POR: variants seen among roughly 807,000 people sequenced by gnomAD.
POR encodes the protein cytochrome p450 oxidoreductase.
In POR, 56 loss-of-function variants were observed where a neutral mutation model predicts 84.0. The observed-to-expected ratio is 0.67, with a 90% CI of 0.54 to 0.83. POR has a LOEUF of 0.83. Among genes scored for constraint, POR ranks in the 40% least tolerant of loss-of-function variants. The probability of loss-of-function intolerance (pLI) is 0.00; values close to 1 mark genes in which losing one functional copy is unlikely to be tolerated. For missense variants in POR, 938 were observed against 944.3 expected (o/e 0.99, Z 0.09); for synonymous variants, 414 against 400.5 (o/e 1.03, Z -0.40).
chr7:75,983,218 G>A, intron 8 of POR: 1 of 297,980 alleles, frequency 3.4e-6, no homozygotes, highest in South Asian at 6.1e-5. Flanking sequence ...GCGAATGCCT[G>A]TAATTCCAGC....
chr7:75,983,044 A>G (rs1429092709), intron 8 of POR, among the ~76,000 whole-genome samples: 1 of 152,160 alleles, frequency 6.6e-6, no homozygotes, highest in African/African-American at 2.4e-5. Context: ...GGGACTATAG[A>G]GAGAACTGCA....
At chr7:75,935,621 G>T (rs1469588500) in intron 1 of POR, among the ~76,000 whole-genome samples, 1 of 13,058 alleles carries the variant, frequency 7.7e-5, no homozygotes, top group Non-Finnish European at 1.3e-4. Flanking sequence ...CTCGGGGCTT[G>T]TGTGTGTGTG....
At position 75,928,577 on chromosome 7, in the gene POR, G is replaced by A. The variant is rs1468973764; in HGVS notation, c.-5+13398G>A. 3.9e-5 allele frequency among the ~76,000 whole-genome samples: 6 copies of A among 152,232 alleles called. No homozygotes were observed. The East Asian group carries it at 1.2e-3, about 29-fold the overall frequency. On this transcript the variant is annotated intron_variant, in intron 1 of 15. Coordinates refer to ENST00000461988, the MANE Select transcript of POR (RefSeq NM_000941.3). ...CCGGAAGTTGAACATTGAGATGGTG[G>A]AATGACAAGAGAAAAAGCTGCTTGA...
intron 12 of POR, 128 bp downstream of exon 12, chr7:75,985,335 C>T: frequency 1.6e-6 from 2 of 1,257,412 alleles, no homozygotes; most frequent in Non-Finnish European, 2.1e-6. Flanking sequence ...CCCAGCGCAG[C>T]TCCAAATGCC....
chr7:75,955,618 G>T (rs1390006486), intron 2 of POR, among the ~76,000 whole-genome samples: 1 of 152,188 alleles, frequency 6.6e-6, no homozygotes, highest in Non-Finnish European at 1.5e-5. Context: ...TTGGCAAGGG[G>T]CAGGTCTCAG....
intron 7 of POR, 168 bp from the exon 8 acceptor site, chr7:75,982,056 T>C: frequency 1.6e-6 from 1 of 629,848 alleles, no homozygotes; most frequent in South Asian, 1.8e-5. Context: ...CCTTGCTCCC[T>C]CGCCTGCCCT....
intron 1 of POR, among the ~76,000 whole-genome samples, chr7:75,952,573 T>C (rs1438721217): frequency 1.4e-5 from 2 of 142,284 alleles, no homozygotes; most frequent in African/African-American, 2.7e-5. Flanking sequence ...GACGGGGCGG[T>C]TGCCAGGCAG....
intron 2 of POR, among the ~76,000 whole-genome samples, chr7:75,958,007 G>A (rs903483759): frequency 3.9e-5 from 6 of 152,212 alleles, no homozygotes; most frequent in Non-Finnish European, 8.8e-5. Context: ...TAAGCTGGAG[G>A]TAGTAGTAGT....
At chr7:75,921,514 G>A (rs1255445234) in intron 1 of POR, among the ~76,000 whole-genome samples, 3 of 151,656 alleles carry the variant, frequency 2.0e-5, no homozygotes, top group African/African-American at 4.8e-5. Context: ...TGCCTGCCTC[G>A]GCCTCCCAAA....
chr7:75,930,063 A>G (rs1420964449), intron 1 of POR, among the ~76,000 whole-genome samples: 1 of 152,182 alleles, frequency 6.6e-6, no homozygotes, highest in East Asian at 1.9e-4. Flanking sequence ...TAGGGCTTTG[A>G]ATCTGAGTCT....
At chr7:75,931,555 G>T (rs1178948247) in intron 1 of POR, among the ~76,000 whole-genome samples, 5 of 151,922 alleles carry the variant, frequency 3.3e-5, no homozygotes, top group Admixed American at 6.6e-5. Flanking sequence ...TTTTAGTAGA[G>T]ACGGGGTTTC....
intron 1 of POR, among the ~76,000 whole-genome samples, chr7:75,918,136 G>T (rs1008732621): frequency 6.6e-6 from 1 of 152,026 alleles, no homozygotes. Flanking sequence ...GTGAAACCCC[G>T]TCTCTACTAA....
chr7:75,954,252 G>T, intron 2 of POR, 72 bp downstream of exon 2: 2 of 1,447,764 alleles, frequency 1.4e-6, no homozygotes, highest in Non-Finnish European at 1.9e-6. Flanking sequence ...CCTGCATGCG[G>T]GCCTCAGGCT....
intron 1 of POR, among the ~76,000 whole-genome samples, chr7:75,933,778 A>G (rs1365730095): frequency 3.3e-5 from 5 of 152,180 alleles, no homozygotes; most frequent in African/African-American, 9.7e-5. Flanking sequence ...AGCAGTGCTA[A>G]CAATTCTTGA....
chr7:75,929,260 A>G (rs988667180), intron 1 of POR, among the ~76,000 whole-genome samples: 7 of 152,212 alleles, frequency 4.6e-5, no homozygotes, highest in Non-Finnish European at 1.0e-4. Context: ...GTTGGTGCTC[A>G]GTACACTTTT....
In POR at chr7:75,981,161, C is replaced by T. The variant is rs1554557769; in HGVS notation, c.630C>T (p.Asp210=). Residue 210 remains aspartate, a synonymous_variant, in exon 6 of 16, where the codon GAC becomes GAT. Coordinates refer to ENST00000461988, the MANE Select transcript of POR (RefSeq NM_000941.3). ...GCATCTTTGAGCTGGGGTTGGGCGA[C>T]GACGATGGGAAGTGAGTGCCCACCC... 13 of 1,544,138 alleles carry T rather than the reference C, an allele frequency of 8.4e-6. No individual in the cohort carries two copies. The highest frequency in any genetic ancestry group is 2.4e-5 in the South Asian group (2 of 83,280).
chr7:75,954,202 CCT>C (rs1787581818), intron 2 of POR, 22 bp downstream of exon 2: 7 of 1,586,012 alleles, frequency 4.4e-6, no homozygotes, highest in Non-Finnish European at 6.0e-6. Context: ...CTCTCAGCCT[CCT>C]CTCTCTGTCC....
Position 75,986,457 on chromosome 7 carries a change from C to T in POR, c.2019C>T (p.Arg673=), listed in dbSNP as rs782048589. The T allele has an allele frequency of 4.3e-6, 7 of 1,611,532 alleles. No individual in the cohort carries two copies. The South Asian group carries it at 7.7e-5, about 18-fold the overall frequency. ...TCAAGAAACTGATGACCAAGGGCCG[C>T]TACTCCCTGGACGTGTGGAGCTAGG... Residue 673 remains arginine (R), a synonymous_variant, in exon 16 of 16, where the codon CGC becomes CGT. Coordinates refer to ENST00000461988, the MANE Select transcript of POR (RefSeq NM_000941.3).
Position 75,972,462 on chromosome 7 carries a change from G to A in POR, c.237+1G>A. 1 of 1,604,168 alleles carries A rather than the reference G, an allele frequency of 6.2e-7. No homozygotes were observed. Among genetic ancestry groups the A allele is most frequent in the Non-Finnish European group, 8.5e-7 (1 of 1,175,220 alleles). On this transcript the variant is annotated splice_donor_variant, in intron 3 of 15. Coordinates refer to ENST00000461988, the MANE Select transcript of POR (RefSeq NM_000941.3). LOFTEE classifies it high-confidence loss of function. ...CTTTGTGGAAAAGATGAAGAAAACG[G>A]TGAGTTTCCTGCATGTCTTTACTCT...
Sources: allele counts gnomAD v4.1 joint callset (sites outside exome capture counted in the v4.1 genomes callset), GRCh38; gene constraint gnomAD v4.1.1; transcripts MANE v1.5; gene names NCBI Gene and HGNC (gene_info 2026-07-23, HGNC 2026-07-21).